SLC2A9: variants seen among roughly 807,000 people sequenced by gnomAD.
SLC2A9 encodes solute carrier family 2 member 9.
A neutral mutation model predicts 50.6 loss-of-function variants in SLC2A9; 39 were observed. That is an observed-to-expected ratio of 0.77 (90% confidence interval 0.60 to 1.01). The LOEUF is 1.01. SLC2A9 is among the 50% of genes least tolerant of loss of function. The pLI, the probability that SLC2A9 is intolerant of heterozygous loss-of-function variation, is 0.00. For missense variants in SLC2A9, 686 were observed against 677.6 expected (o/e 1.01, Z -0.14); for synonymous variants, 324 against 276.9 (o/e 1.17, Z -1.69).
chr4:9,980,693 G>C lies in SLC2A9; in HGVS notation c.580C>G (p.Pro194Ala). Residue 194 changes from proline to alanine, a missense_variant, in exon 5 of 12, where the codon CCC becomes GCC. Physicochemically the swap from Pro to Ala is conservative, Grantham distance 27. Transcript: ENST00000264784. ...VLPMYLSEIS[P>A]KEIRGSLGQV... is the part of the protein sequence containing the mutation. ...CCCAGAGAGCCACGGATCTCCTTGG[G>C]TGAGATCTCACTAAGGTACATGGGG... 6.2e-7 allele frequency: 1 copy of C among 1,614,150 alleles called. No homozygotes were observed. The highest frequency in any genetic ancestry group is 2.2e-5 in the East Asian group (1 of 44,854).
At chr4:10,007,035 T>A (rs930052234) in intron 2 of SLC2A9, among the ~76,000 whole-genome samples, 2 of 152,196 alleles carry the variant, frequency 1.3e-5, no homozygotes, top group Non-Finnish European at 2.9e-5. Flanking sequence ...TGCCCCTGGT[T>A]TCCTCTGGAC....
intron 4 of SLC2A9, among the ~76,000 whole-genome samples, chr4:9,983,297 C>A (rs988456924): frequency 1.3e-5 from 2 of 152,206 alleles, no homozygotes; most frequent in Non-Finnish European, 2.9e-5. Context: ...CTCCCTGGAT[C>A]GACATCCTTG....
At chr4:9,988,612 A>C (rs988914589) in intron 3 of SLC2A9, among the ~76,000 whole-genome samples, 30 of 152,324 alleles carry the variant, frequency 2.0e-4, no homozygotes, top group African/African-American at 6.7e-4. Flanking sequence ...CAGCAACATA[A>C]ACAAGGGAGA....
chr4:10,016,645 T>C (rs1332065523), intron 2 of SLC2A9, among the ~76,000 whole-genome samples: 1 of 152,132 alleles, frequency 6.6e-6, no homozygotes, highest in Non-Finnish European at 1.5e-5. Flanking sequence ...TAAATACCTC[T>C]AAGCTCTGGC....
At chr4:9,851,663 A>G (rs2109317484) in intron 10 of SLC2A9, among the ~76,000 whole-genome samples, 1 of 152,298 alleles carries the variant, frequency 6.6e-6, no homozygotes, top group East Asian at 1.9e-4. Flanking sequence ...CCCCCAAGGA[A>G]TCTAAGGAAT....
intron 3 of SLC2A9, among the ~76,000 whole-genome samples, chr4:9,786,011 A>G (rs1719173877): frequency 6.6e-6 from 1 of 152,198 alleles, no homozygotes; most frequent in Non-Finnish European, 1.5e-5. Context: ...TGGGAAGGAG[A>G]GTAATTCAGG....
intron 4 of SLC2A9, among the ~76,000 whole-genome samples, chr4:9,984,430 C>CAGAGAGAG (rs141819421): frequency 3.3e-5 from 5 of 150,002 alleles, no homozygotes; most frequent in African/African-American, 1.2e-4. Context: ...GTGAGAGAGA[C>CAGAGAGAG]AGAGAGAGAG....
At chr4:9,863,415 G>A (rs1042085827) in intron 10 of SLC2A9, among the ~76,000 whole-genome samples, 4 of 151,920 alleles carry the variant, frequency 2.6e-5, no homozygotes, top group Non-Finnish European at 5.9e-5. Flanking sequence ...CCAAAGTATC[G>A]GAGCCACTGT....
chr4:9,776,441 G>C (rs1345056107), downstream of SLC2A9, among the ~76,000 whole-genome samples: 1 of 151,978 alleles, frequency 6.6e-6, no homozygotes, highest in Non-Finnish European at 1.5e-5. Context: ...TGAGCCTCCT[G>C]ACTGACCCCA....
chr4:9,814,993 G>A (rs1022396140), intron 3 of SLC2A9, among the ~76,000 whole-genome samples: 4 of 152,142 alleles, frequency 2.6e-5, no homozygotes, highest in African/African-American at 9.7e-5. Flanking sequence ...TGGAGACAGA[G>A]AGGTCCTGTG....
Position 10,012,527 on chromosome 4 carries a change from A to T in SLC2A9, c.249+6448T>A, listed in dbSNP as rs1017955248. Among the ~76,000 whole-genome samples, 6 of 152,358 alleles carry T rather than the reference A, an allele frequency of 3.9e-5. No homozygotes were observed. The South Asian group carries it at 1.2e-3, about 32-fold the overall frequency. The stretch of plus-strand genomic sequence containing the variant: ...AGGACAAGAAGTAAAGGAATATGTC[A>T]TATCTCAGGTAGTGTTAAATACCAT... On this transcript the variant is annotated intron_variant, in intron 2 of 11. Transcript: ENST00000264784.
At chr4:9,793,625 C>T (rs1467589311) in intron 3 of SLC2A9, among the ~76,000 whole-genome samples, 2 of 152,184 alleles carry the variant, frequency 1.3e-5, no homozygotes. Flanking sequence ...TGTTAATTTA[C>T]AACTGGCAAA....
In SLC2A9 at chr4:9,994,102, C is replaced by T. The variant is rs116662392; in HGVS notation, c.410+2679G>A. On this transcript the variant is annotated intron_variant, in intron 3 of 11. Transcript: ENST00000264784. The stretch of plus-strand genomic sequence containing the variant: ...GAGGAATAACAGAGCATCAGGAAGG[C>T]GTTTCAAATAGCATCATGTCACAGG... Among the ~76,000 whole-genome samples, 840 of 152,324 alleles carry T rather than the reference C, an allele frequency of 5.5e-3. 5 individuals are homozygous for T. Among genetic ancestry groups the T allele is most frequent in the African/African-American group, 0.019 (783 of 41,576 alleles).
At position 9,980,575 on chromosome 4, in the gene SLC2A9, C is replaced by T. The variant is rs1319721483; in HGVS notation, c.681+17G>A. On this transcript the variant is annotated intron_variant, in intron 5 of 11. Transcript: ENST00000264784. ...TGAGATGAGAGCAGATGCGGTTGAC[C>T]AGGGAGCCACACTCACCTTTCCCAG... 6.2e-7 allele frequency: 1 copy of T among 1,613,970 alleles called. No homozygotes were observed. The highest frequency in any genetic ancestry group is 2.2e-5 in the East Asian group (1 of 44,872).
At position 10,021,469 on chromosome 4, in the gene SLC2A9, C is replaced by T. The variant is rs1763500706; in HGVS notation, c.-40G>A. On this transcript the variant is annotated 5_prime_UTR_variant, in exon 1 of 12. Coordinates refer to ENST00000264784, the MANE Select transcript of SLC2A9 (RefSeq NM_020041.3). Reference sequence around the variant, plus strand: ...CAGCTGATGGCTCAGTCCAGGGACCCCAGACTCTGCCAAGGCATTTCCGTG... The same window carrying T: ...CAGCTGATGGCTCAGTCCAGGGACCTCAGACTCTGCCAAGGCATTTCCGTG... 1 of 1,613,196 alleles carries T rather than the reference C, an allele frequency of 6.2e-7. No individual in the cohort carries two copies. Among genetic ancestry groups the T allele is most frequent in the Non-Finnish European group, 8.5e-7 (1 of 1,179,714 alleles).
At position 9,805,950 on chromosome 4, in the gene SLC2A9, C is replaced by T. The variant is rs139729941; in HGVS notation, n.421-6709G>A. On this transcript the variant is annotated intron_variant and non_coding_transcript_variant, in intron 3 of 3. Transcript: ENST00000503280. ...TGCTGAGGCAGGGCAGGTTAAGTAA[C>T]CTGACCAGAGTCCCACAGCAAGTAC... 4.0e-3 allele frequency among the ~76,000 whole-genome samples: 613 copies of T among 152,296 alleles called. 3 individuals are homozygous for T. Among genetic ancestry groups the T allele is most frequent in the African/African-American group, 0.014 (575 of 41,556 alleles).
downstream of SLC2A9, among the ~76,000 whole-genome samples, chr4:9,777,661 G>A (rs2108832366): frequency 6.6e-6 from 1 of 152,294 alleles, no homozygotes; most frequent in South Asian, 2.1e-4. Flanking sequence ...ACAAAGATTT[G>A]TCAAGCACCC....
At chr4:9,773,716 A>G (rs1422000378) in intron 1 of SLC2A9, among the ~76,000 whole-genome samples, 1 of 152,206 alleles carries the variant, frequency 6.6e-6, no homozygotes, top group East Asian at 1.9e-4. Flanking sequence ...TGTGCTGATG[A>G]GGCTGAGCTC....
intron 5 of SLC2A9, among the ~76,000 whole-genome samples, chr4:9,952,615 C>T (rs1282709946): frequency 6.6e-6 from 1 of 151,958 alleles, no homozygotes; most frequent in African/African-American, 2.4e-5. Flanking sequence ...CTCACTGCAT[C>T]CCCAACCTCC....
Sources: gnomAD v4.1 joint callset for allele counts (sites outside exome capture counted in the v4.1 genomes callset) on GRCh38, gnomAD v4.1.1 for gene constraint, MANE v1.5 for transcripts, NCBI Gene and HGNC (gene_info 2026-07-23, HGNC 2026-07-21) for gene names.